The following EVC2 variants were observed in gnomAD, a reference collection of about 807,000 sequenced individuals.
EVC2 encodes limbin.
EVC2 carries 148 observed loss-of-function variants against 149.3 expected under a neutral mutation model. The observed-to-expected ratio is 0.99, with a 90% confidence interval of 0.87 to 1.14. The LOEUF (loss-of-function observed/expected upper bound fraction) is 1.14. Ranked by LOEUF, EVC2 falls within the 50% of genes most tolerant of loss-of-function variation. EVC2 has a pLI of 0.00. For synonymous variants in EVC2, 776 were observed against 649.9 expected, an observed-to-expected ratio of 1.19 and a Z score of -2.95; for missense variants, 1,854 against 1,627.3, an observed-to-expected ratio of 1.14 and a Z score of -2.40.
At chr4:5,708,830 T>A, upstream of EVC2, 5 of 263,506 alleles carry the variant, frequency 1.9e-5, no homozygotes, top group Non-Finnish European at 2.8e-5. Flanking sequence ...ACCGCCTACC[T>A]GGGTCTGTAA....
intron 14 of EVC2, among the ~76,000 whole-genome samples, chr4:5,620,755 G>C (rs1365795868): frequency 6.6e-6 from 1 of 152,180 alleles, no homozygotes; most frequent in African/African-American, 2.4e-5. Flanking sequence ...TAAATCAGCA[G>C]TTGCTTTAGT....
chr4:5,561,293 G>C (rs1721950857), downstream of EVC2, among the ~76,000 whole-genome samples: 1 of 152,112 alleles, frequency 6.6e-6, no homozygotes, highest in Non-Finnish European at 1.5e-5. Flanking sequence ...AGCAGGATTT[G>C]AACTCCAGTC....
In EVC2 at chr4:5,686,554, A is replaced by G. The variant is rs1344188541; in HGVS notation, c.707-1075T>C. Among the ~76,000 whole-genome samples, 1 of 152,122 alleles carries G rather than the reference A, an allele frequency of 6.6e-6. No individual in the cohort carries two copies. The highest frequency in any genetic ancestry group is 1.5e-5 in the Non-Finnish European group (1 of 68,026). ...CCCCGAGATGGATGGAGAACACGTG[A>G]TTTTCTGCAACATACAGAAGAAGAA... is the stretch of plus-strand genomic sequence containing the variant. On this transcript the variant is annotated intron_variant, in intron 5 of 21. Coordinates refer to ENST00000344408, the MANE Select transcript of EVC2 (RefSeq NM_147127.5). This position sits in a 1 kb window ranked among gnomAD's most constrained non-coding sequence, Gnocchi z 5.4.
At chr4:5,607,422 T>C (rs1714480050) in intron 16 of EVC2, among the ~76,000 whole-genome samples, 1 of 152,236 alleles carries the variant, frequency 6.6e-6, no homozygotes, top group Non-Finnish European at 1.5e-5. Context: ...AAAATATATA[T>C]GCCCTCCAAT....
At chr4:5,589,032 T>A (rs1221324034) in intron 16 of EVC2, among the ~76,000 whole-genome samples, 1 of 152,254 alleles carries the variant, frequency 6.6e-6, no homozygotes, top group African/African-American at 2.4e-5. Context: ...TGAGGAGTTA[T>A]ATTTTCCTAT....
chr4:5,597,674 C>G (rs1577137778), intron 16 of EVC2, among the ~76,000 whole-genome samples: 1 of 147,452 alleles, frequency 6.8e-6, no homozygotes, highest in Non-Finnish European at 1.5e-5. Context: ...GGGATGCCCT[C>G]TCTCACCACT....
At chr4:5,564,028 G>GCT (rs1246334284) in intron 21 of EVC2, among the ~76,000 whole-genome samples, 2 of 151,858 alleles carry the variant, frequency 1.3e-5, no homozygotes, top group Admixed American at 1.3e-4. Flanking sequence ...AAGCCACAGC[G>GCT]CTCTCTCTCT....
chr4:5,547,791 G>A (rs1022746257), intron 21 of EVC2, among the ~76,000 whole-genome samples: 1 of 152,118 alleles, frequency 6.6e-6, no homozygotes, highest in Non-Finnish European at 1.5e-5. Flanking sequence ...ACACAAACAG[G>A]GCTGAAACAT....
chr4:5,663,216 A>G lies in EVC2; in HGVS notation c.1036T>C (p.Leu346=). 6.2e-7 allele frequency: 1 copy of G among 1,614,158 alleles called. No homozygotes were observed. The highest frequency in any genetic ancestry group is 8.5e-7 in the Non-Finnish European group (1 of 1,180,030). The change falls in exon 9 of 22, where the codon TTG becomes CTG. Residue 346 remains leucine, a synonymous_variant. Coordinates refer to ENST00000344408, the MANE Select transcript of EVC2 (RefSeq NM_147127.5). ...ACGCCATCAGCTGAGGTGAACGGCA[A>G]GGGTTCCAGCTTGCTCTCATACTGC... The part of the protein sequence containing the change: ...VWQYESKLEP[L]PFTSADGVNE...
At chr4:5,543,567 G>C (rs1457018550) in intron 21 of EVC2, among the ~76,000 whole-genome samples, 1 of 152,124 alleles carries the variant, frequency 6.6e-6, no homozygotes, top group African/African-American at 2.4e-5. Context: ...CAGTTTCCTA[G>C]CCCAACAGGA....
At chr4:5,649,098 C>T (rs1269059804) in intron 9 of EVC2, among the ~76,000 whole-genome samples, 2 of 152,192 alleles carry the variant, frequency 1.3e-5, no homozygotes, top group East Asian at 3.8e-4. Context: ...ATGAGGCGGA[C>T]AGAGACATTT....
intron 20 of EVC2, 139 bp downstream of exon 20, chr4:5,568,305 G>T: frequency 1.1e-6 from 1 of 899,068 alleles, no homozygotes; most frequent in Non-Finnish European, 1.6e-6. Context: ...ATTTTCTTAA[G>T]ATTCTATTTA....
At chr4:5,566,167 C>T (rs1318747218) in intron 20 of EVC2, among the ~76,000 whole-genome samples, 1 of 152,226 alleles carries the variant, frequency 6.6e-6, no homozygotes. Flanking sequence ...AGCCCTAAAG[C>T]CATGAAGGTG....
intron 7 of EVC2, among the ~76,000 whole-genome samples, chr4:5,675,402 C>T (rs1719921319): frequency 6.6e-6 from 1 of 152,208 alleles, no homozygotes; most frequent in Non-Finnish European, 1.5e-5. Flanking sequence ...GATACATCCT[C>T]CTCCTCCCGT....
rs2108843015 is a variant in EVC2 at position 5,625,705 on chromosome 4, G to A, written c.2046+44C>T. On this transcript the variant is annotated intron_variant, in intron 13 of 21. Transcript: ENST00000344408. This position sits in a 1 kb window ranked among gnomAD's most constrained non-coding sequence, Gnocchi z 4.0. ...AGTACCTGGCACTTGATGGGTATCAGAAAGTGCCTATGCAAAGAATAAATA... is the reference window on the plus strand; with the variant it reads ...AGTACCTGGCACTTGATGGGTATCAAAAAGTGCCTATGCAAAGAATAAATA... The A allele has an allele frequency of 6.2e-7, 1 of 1,612,082 alleles. No individual in the cohort carries two copies. Among genetic ancestry groups the A allele is most frequent in the Non-Finnish European group, 8.5e-7 (1 of 1,178,802 alleles).
At chr4:5,539,591 T>G (rs150412581), downstream of EVC2, among the ~76,000 whole-genome samples, 706 of 152,168 alleles carry the variant, frequency 4.6e-3, 5 homozygotes, top group African/African-American at 0.016. Flanking sequence ...AATAAACAAA[T>G]AGATCAATTA....
chr4:5,578,852 G>C (rs887938576), intron 17 of EVC2, among the ~76,000 whole-genome samples: 1 of 152,172 alleles, frequency 6.6e-6, no homozygotes, highest in Admixed American at 6.5e-5. Flanking sequence ...ACGGGAGCTG[G>C]AAGAGACCAC....
intron 1 of EVC2, 24 bp downstream of exon 1, chr4:5,708,262 A>G: frequency 6.8e-6 from 10 of 1,470,872 alleles, no homozygotes; most frequent in Non-Finnish European, 9.0e-6. Context: ...GTCAGACCGG[A>G]GCCTGGGGTC....
At chr4:5,599,263 C>T (rs1191571606) in intron 16 of EVC2, among the ~76,000 whole-genome samples, 5 of 151,268 alleles carry the variant, frequency 3.3e-5, no homozygotes, top group Non-Finnish European at 7.4e-5. Context: ...TATAAAGACA[C>T]ATGCACACGT....
Sources: allele counts gnomAD v4.1 joint callset (sites outside exome capture counted in the v4.1 genomes callset), GRCh38; gene constraint gnomAD v4.1.1; non-coding constraint Gnocchi (gnomAD v3.1); transcripts MANE v1.5; gene names NCBI Gene and HGNC (gene_info 2026-07-23, HGNC 2026-07-21).